The following FAM78B variants were observed in gnomAD, a reference collection of about 807,000 sequenced individuals.
The protein encoded by FAM78B is family with sequence similarity 78 member B.
A neutral mutation model predicts 20.0 loss-of-function variants in FAM78B; 10 were observed. The ratio of observed to expected loss-of-function variants is 0.50; its 90% CI spans 0.31 to 0.85. The LOEUF is 0.85. Ranked by LOEUF, FAM78B falls within the 40% of genes least tolerant of loss-of-function variation. The pLI, the probability that FAM78B is intolerant of heterozygous loss-of-function variation, is 0.05. For synonymous variants in FAM78B, 135 were observed against 132.8 expected, an observed-to-expected ratio of 1.02 and a Z score of -0.12; for missense variants, 283 against 345.0, an observed-to-expected ratio of 0.82 and a Z score of 1.42.
chr1:166,077,911 A>T (rs1652379263), intron 1 of FAM78B, among the ~76,000 whole-genome samples: 3 of 1,668 alleles, frequency 1.8e-3, no homozygotes, highest in African/African-American at 2.6e-3. Flanking sequence ...TATATATATA[A>T]TTATATATAT....
chr1:166,095,187 G>A (rs1355052083), intron 1 of FAM78B, among the ~76,000 whole-genome samples: 1 of 152,162 alleles, frequency 6.6e-6, no homozygotes, highest in Non-Finnish European at 1.5e-5. Context: ...CCTCAGGGTG[G>A]TTGCATTTCC....
At chr1:166,160,769 G>T (rs1038023961) in intron 1 of FAM78B, among the ~76,000 whole-genome samples, 12 of 152,198 alleles carry the variant, frequency 7.9e-5, no homozygotes, top group Admixed American at 6.5e-4. Context: ...GCCATGCACT[G>T]TTCATAAACA....
At chr1:166,135,210 C>T (rs1432331172) in intron 1 of FAM78B, among the ~76,000 whole-genome samples, 1 of 152,162 alleles carries the variant, frequency 6.6e-6, no homozygotes, top group Admixed American at 6.5e-5. Context: ...CGGCTTATAA[C>T]TGCCTCAGAA....
chr1:166,125,632 C>G (rs1160873774), intron 1 of FAM78B, among the ~76,000 whole-genome samples: 1 of 152,088 alleles, frequency 6.6e-6, no homozygotes, highest in Non-Finnish European at 1.5e-5. Context: ...AATTCAAATA[C>G]CAAATACCCA....
intron 1 of FAM78B, among the ~76,000 whole-genome samples, chr1:166,073,060 A>G (rs1297423468): frequency 6.6e-6 from 1 of 152,176 alleles, no homozygotes; most frequent in Non-Finnish European, 1.5e-5. Context: ...ACAAAACAAC[A>G]AAAAACAGAG....
chr1:166,109,832 G>GTATGTGTATATA (rs1553219367), intron 1 of FAM78B, among the ~76,000 whole-genome samples: 1 of 28,274 alleles, frequency 3.5e-5, no homozygotes, highest in Non-Finnish European at 7.5e-5. Flanking sequence ...ATATATATAT[G>GTATGTGTATATA]TATATATGTA....
chr1:166,083,926 T>C (rs1652686646), intron 1 of FAM78B, among the ~76,000 whole-genome samples: 1 of 151,728 alleles, frequency 6.6e-6, no homozygotes, highest in Non-Finnish European at 1.5e-5. Flanking sequence ...AAAAAGGATG[T>C]TGGCTGGCTG....
At chr1:166,101,086 T>C (rs1024332026) in intron 1 of FAM78B, among the ~76,000 whole-genome samples, 7 of 152,332 alleles carry the variant, frequency 4.6e-5, no homozygotes, top group African/African-American at 1.7e-4. Context: ...AAACAGGGTC[T>C]GGAGTGGGCC....
chr1:166,079,869 G>T (rs1652496127), intron 1 of FAM78B, among the ~76,000 whole-genome samples: 1 of 152,166 alleles, frequency 6.6e-6, no homozygotes, highest in Admixed American at 6.5e-5. Context: ...GGCAGAGCTG[G>T]GAGATCTAGA....
intron 1 of FAM78B, among the ~76,000 whole-genome samples, chr1:166,164,505 G>C (rs1656280738): frequency 6.6e-6 from 1 of 152,232 alleles, no homozygotes; most frequent in Admixed American, 6.5e-5. Context: ...TTCTCTGGAA[G>C]AATACAGTGT....
intron 1 of FAM78B, among the ~76,000 whole-genome samples, chr1:166,154,117 C>G (rs950142217): frequency 4.6e-5 from 7 of 152,234 alleles, no homozygotes; most frequent in African/African-American, 1.7e-4. Flanking sequence ...CCCAGCTGAG[C>G]CCTGCTGTCA....
chr1:166,064,893 T>C (rs1326114655), downstream of FAM78B, among the ~76,000 whole-genome samples: 1 of 152,156 alleles, frequency 6.6e-6, no homozygotes, highest in African/African-American at 2.4e-5. Context: ...CTCAGAAAAG[T>C]TAAATGATTT....
intron 1 of FAM78B, among the ~76,000 whole-genome samples, chr1:166,089,630 C>A (rs1652985301): frequency 6.6e-6 from 1 of 152,048 alleles, no homozygotes; most frequent in Non-Finnish European, 1.5e-5. Flanking sequence ...GGGGAAGATG[C>A]AGCCTTGTGA....
At chr1:166,146,590 C>T (rs1206851482) in intron 1 of FAM78B, among the ~76,000 whole-genome samples, 2 of 152,094 alleles carry the variant, frequency 1.3e-5, no homozygotes, top group African/African-American at 4.8e-5. Context: ...CAAGGGGGGT[C>T]TGAGGTTGCC....
At chr1:166,100,872 C>G (rs944943907) in intron 1 of FAM78B, among the ~76,000 whole-genome samples, 3 of 152,340 alleles carry the variant, frequency 2.0e-5, no homozygotes, top group South Asian at 4.1e-4. Context: ...AGCTTGAGAT[C>G]TGAGAATGGA....
intron 1 of FAM78B, among the ~76,000 whole-genome samples, chr1:166,072,060 T>A (rs1652068216): frequency 6.6e-6 from 1 of 152,220 alleles, no homozygotes; most frequent in South Asian, 2.1e-4. Flanking sequence ...GCTTTATTCA[T>A]CAGCTAAGAG....
At chr1:166,096,896 C>T (rs745850955) in intron 1 of FAM78B, among the ~76,000 whole-genome samples, 31 of 152,134 alleles carry the variant, frequency 2.0e-4, no homozygotes, top group Non-Finnish European at 2.9e-4. Flanking sequence ...CAGCTCTGGA[C>T]AGAGCAGCGG....
intron 1 of FAM78B, among the ~76,000 whole-genome samples, chr1:166,161,856 G>C (rs1235528496): frequency 1.3e-5 from 2 of 152,314 alleles, no homozygotes; most frequent in Admixed American, 6.5e-5. Context: ...CCCTAAGCTT[G>C]AGATGTCTTT....
intron 1 of FAM78B, among the ~76,000 whole-genome samples, chr1:166,142,288 A>C (rs748550860): frequency 4.6e-5 from 7 of 152,200 alleles, no homozygotes; most frequent in Admixed American, 6.5e-5. Context: ...GCACCCAAAA[A>C]TCTACTTCCA....
Sources: gnomAD v4.1 joint callset for allele counts (sites outside exome capture counted in the v4.1 genomes callset) on GRCh38, gnomAD v4.1.1 for gene constraint, MANE v1.5 for transcripts, NCBI Gene and HGNC (gene_info 2026-07-23, HGNC 2026-07-21) for gene names.